Variants in AUTS2 observed in about 807,000 individuals in gnomAD.
AUTS2 encodes the protein activator of transcription and developmental regulator AUTS2.
Under a neutral mutation model 112.4 loss-of-function variants are expected in AUTS2, and 17 were observed. The ratio of observed to expected loss-of-function variants is 0.15; its 90% CI spans 0.10 to 0.23. The LOEUF is 0.23. Among genes scored for constraint, AUTS2 ranks in the 10% least tolerant of loss-of-function variants. The pLI is 1.00. For missense variants in AUTS2, 1,510 were observed against 1,701.6 expected (o/e 0.89, Z 1.98); for synonymous variants, 751 against 702.7 (o/e 1.07, Z -1.09).
chr7:69,762,288 G>A (rs1462223819), intron 1 of AUTS2, among the ~76,000 whole-genome samples: 1 of 113,472 alleles, frequency 8.8e-6, no homozygotes, highest in Non-Finnish European at 1.8e-5. Context: ...TTTTAGCCAA[G>A]TTGTCTTTTT....
chr7:70,426,171 C>T (rs1422910985), intron 4 of AUTS2, among the ~76,000 whole-genome samples: 17 of 152,164 alleles, frequency 1.1e-4, no homozygotes, highest in Non-Finnish European at 4.4e-5. Context: ...CTGTTGGCAT[C>T]TTGGTTCACA....
chr7:70,478,719 TC>T (rs1295327159), intron 5 of AUTS2, among the ~76,000 whole-genome samples: 2 of 150,358 alleles, frequency 1.3e-5, no homozygotes, highest in African/African-American at 4.9e-5. Context: ...CACCCATTAT[TC>T]CCATTACTAG....
intron 6 of AUTS2, among the ~76,000 whole-genome samples, chr7:70,754,220 G>A (rs2129555750): frequency 6.6e-6 from 1 of 152,132 alleles, no homozygotes; most frequent in African/African-American, 2.4e-5. Flanking sequence ...ATTGGGCAGG[G>A]TGGCTCACAC....
intron 6 of AUTS2, among the ~76,000 whole-genome samples, chr7:70,708,225 G>GT (rs1199057437): frequency 6.6e-6 from 1 of 152,168 alleles, no homozygotes; most frequent in African/African-American, 2.4e-5. Context: ...GCTGGGAAAG[G>GT]TTTTTCCATA....
intron 2 of AUTS2, among the ~76,000 whole-genome samples, chr7:70,072,791 A>T (rs948596927): frequency 4.6e-5 from 7 of 152,200 alleles, no homozygotes; most frequent in Non-Finnish European, 8.8e-5. Context: ...CATTTAAAAA[A>T]ATATCGTGTT....
At chr7:70,336,719 A>G (rs1458701808) in intron 4 of AUTS2, among the ~76,000 whole-genome samples, 1 of 152,052 alleles carries the variant, frequency 6.6e-6, no homozygotes, top group African/African-American at 2.4e-5. Context: ...ACCACCGAGC[A>G]CCAACACTGC....
chr7:70,108,783 C>CAAAAAAAA lies in AUTS2; in HGVS notation c.523-9325_523-9318dup, dbSNP rs528009205. ...TTCCAGACCAGCCTGGCCAACATGG[C>CAAAAAAAA]AAAAAAAAAAAAAAAAAAAAAAAAA... On this transcript the variant is annotated intron_variant, in intron 2 of 18. Transcript: ENST00000342771. Among the ~76,000 whole-genome samples the CAAAAAAAA allele has an allele frequency of 7.5e-4, 52 of 69,176 alleles. 4 individuals carry two copies. Among genetic ancestry groups the CAAAAAAAA allele is most frequent in the African/African-American group, 2.2e-3 (40 of 18,534 alleles). 45.4% of individuals were successfully genotyped at this position (69,176 alleles called of 152,430 possible). A position where few individuals can be genotyped will look rare whatever the true frequency, so the allele number is the denominator to read the frequency against.
chr7:70,650,809 A>G (rs535475600), intron 5 of AUTS2, among the ~76,000 whole-genome samples: 21 of 152,366 alleles, frequency 1.4e-4, no homozygotes, highest in African/African-American at 4.6e-4. Flanking sequence ...CCTTGTCTCA[A>G]GAAGTTTCCA....
At chr7:70,192,594 C>T (rs1809960605) in intron 4 of AUTS2, among the ~76,000 whole-genome samples, 1 of 152,180 alleles carries the variant, frequency 6.6e-6, no homozygotes, top group African/African-American at 2.4e-5. Flanking sequence ...GCCACACAGT[C>T]CATCATGCTT....
intron 1 of AUTS2, among the ~76,000 whole-genome samples, chr7:69,746,344 C>G (rs1488739698): frequency 2.0e-5 from 3 of 152,154 alleles, no homozygotes; most frequent in Non-Finnish European, 4.4e-5. Context: ...GCTCATGAAA[C>G]TTACCTTCTA....
At chr7:70,216,399 T>C (rs1811166936) in intron 4 of AUTS2, among the ~76,000 whole-genome samples, 1 of 152,256 alleles carries the variant, frequency 6.6e-6, no homozygotes. Context: ...ATATAATTTT[T>C]AATTTAGCAT....
intron 1 of AUTS2, among the ~76,000 whole-genome samples, chr7:69,694,635 C>G (rs1797478630): frequency 6.6e-6 from 1 of 152,116 alleles, no homozygotes; most frequent in African/African-American, 2.4e-5. Flanking sequence ...AAGAATAGAT[C>G]ACAAATTAAA....
intron 1 of AUTS2, among the ~76,000 whole-genome samples, chr7:69,764,096 G>A (rs1328168185): frequency 6.6e-6 from 1 of 152,198 alleles, no homozygotes; most frequent in Non-Finnish European, 1.5e-5. Context: ...GCCCATGATC[G>A]TCTACTGGGT....
intron 2 of AUTS2, among the ~76,000 whole-genome samples, chr7:69,984,579 A>T (rs1798429387): frequency 6.6e-6 from 1 of 152,140 alleles, no homozygotes; most frequent in African/African-American, 2.4e-5. Context: ...GCTTCAAGAA[A>T]TGTTTGTTTC....
chr7:70,496,604 C>T (rs1386361899), intron 5 of AUTS2, among the ~76,000 whole-genome samples: 1 of 135,570 alleles, frequency 7.4e-6, no homozygotes, highest in African/African-American at 2.8e-5. Flanking sequence ...CAATCACACA[C>T]CCCACTCACA....
intron 2 of AUTS2, among the ~76,000 whole-genome samples, chr7:69,990,608 T>C (rs1165226610): frequency 1.3e-5 from 2 of 152,186 alleles, no homozygotes; most frequent in Admixed American, 6.5e-5. Flanking sequence ...ATACAGATAA[T>C]ATATCTACAG....
At chr7:70,104,328 C>G (rs1376445077) in intron 2 of AUTS2, among the ~76,000 whole-genome samples, 1 of 151,876 alleles carries the variant, frequency 6.6e-6, no homozygotes, top group African/African-American at 2.4e-5. Flanking sequence ...TACATCAAAG[C>G]CATTGTAAGG....
chr7:70,619,808 T>C (rs1804575063), intron 5 of AUTS2, among the ~76,000 whole-genome samples: 1 of 152,086 alleles, frequency 6.6e-6, no homozygotes, highest in Non-Finnish European at 1.5e-5. Context: ...CCCCATGCTA[T>C]CACTGTCTCC....
At chr7:70,566,014 C>T (rs145758895) in intron 5 of AUTS2, among the ~76,000 whole-genome samples, 286 of 152,264 alleles carry the variant, frequency 1.9e-3, no homozygotes, top group Admixed American at 0.014. Flanking sequence ...AAAAGGAAGA[C>T]GACCGTGCTG....
Sources: gnomAD v4.1 joint callset for allele counts (sites outside exome capture counted in the v4.1 genomes callset) on GRCh38, gnomAD v4.1.1 for gene constraint, MANE v1.5 for transcripts, NCBI Gene and HGNC (gene_info 2026-07-23, HGNC 2026-07-21) for gene names.